EVI5: variants seen among roughly 807,000 people sequenced by gnomAD.
The protein encoded by EVI5 is ecotropic viral integration site 5 protein homolog.
EVI5 carries 73 observed loss-of-function variants against 112.0 expected under a neutral mutation model. That is an observed-to-expected ratio of 0.65 (90% CI 0.54 to 0.79). EVI5 has a LOEUF of 0.79. Ranked by LOEUF, EVI5 falls within the 30% of genes least tolerant of loss-of-function variation. The pLI is 0.00. For synonymous variants in EVI5, 305 were observed against 319.9 expected (o/e 0.95, Z 0.50); for missense variants, 900 against 968.8 (o/e 0.93, Z 0.94).
intron 13 of EVI5, among the ~76,000 whole-genome samples, chr1:92,660,562 C>A (rs1182617251): frequency 2.0e-5 from 3 of 151,882 alleles, no homozygotes; most frequent in African/African-American, 7.3e-5. Flanking sequence ...TTGAAAATAG[C>A]TAGAAGAGGG....
At chr1:92,610,769 T>C (rs1651577942) in intron 16 of EVI5, among the ~76,000 whole-genome samples, 1 of 151,972 alleles carries the variant, frequency 6.6e-6, no homozygotes, top group Admixed American at 6.6e-5. Context: ...ATATACCTAA[T>C]ATGGGTTGCA....
intron 18 of EVI5, among the ~76,000 whole-genome samples, chr1:92,574,091 C>T (rs1049324998): frequency 5.9e-5 from 9 of 151,860 alleles, no homozygotes; most frequent in Non-Finnish European, 1.3e-4. Flanking sequence ...GAATATTGTA[C>T]CAAGAGCAGT....
chr1:92,627,965 T>C (rs1656050795), intron 14 of EVI5, among the ~76,000 whole-genome samples: 1 of 152,036 alleles, frequency 6.6e-6, no homozygotes, highest in Non-Finnish European at 1.5e-5. Context: ...ATTTTTTGTA[T>C]TTTTAGTAGA....
At chr1:92,742,040 A>G (rs149515129) in intron 1 of EVI5, among the ~76,000 whole-genome samples, 4 of 152,274 alleles carry the variant, frequency 2.6e-5, no homozygotes, top group East Asian at 1.9e-4. Flanking sequence ...ATGAAAGCAA[A>G]TATTTGCAAA....
At chr1:92,657,910 TAAAC>T (rs1663292424) in intron 13 of EVI5, among the ~76,000 whole-genome samples, 1 of 152,122 alleles carries the variant, frequency 6.6e-6, no homozygotes, top group South Asian at 2.1e-4. Flanking sequence ...CACACAGTCT[TAAAC>T]AATCTGATTT....
chr1:92,627,742 C>T (rs1571968474), intron 14 of EVI5, among the ~76,000 whole-genome samples: 1 of 151,740 alleles, frequency 6.6e-6, no homozygotes, highest in African/African-American at 2.4e-5. Context: ...GATGGTATTA[C>T]ATTGTGGTTT....
chr1:92,572,794 A>G (rs1387010000), intron 18 of EVI5, among the ~76,000 whole-genome samples: 1 of 152,084 alleles, frequency 6.6e-6, no homozygotes, highest in Non-Finnish European at 1.5e-5. Flanking sequence ...GTAATTATAG[A>G]GTACAGCTTC....
chr1:92,636,403 G>T, intron 13 of EVI5, 67 bp from the exon 14 acceptor site: 1 of 1,338,718 alleles, frequency 7.5e-7, no homozygotes, highest in Non-Finnish European at 1.1e-6. Flanking sequence ...TAAAAACAAT[G>T]CAACCACATA....
At chr1:92,726,094 T>C (rs956948992) in intron 2 of EVI5, among the ~76,000 whole-genome samples, 3 of 152,182 alleles carry the variant, frequency 2.0e-5, no homozygotes, top group Non-Finnish European at 4.4e-5. Flanking sequence ...TGGCCTAATA[T>C]GTGTGTACTT....
chr1:92,569,661 C>A (rs1275228895), intron 18 of EVI5, among the ~76,000 whole-genome samples: 1 of 151,870 alleles, frequency 6.6e-6, no homozygotes, highest in Non-Finnish European at 1.5e-5. Flanking sequence ...CGAGACCATC[C>A]TGGCCAACAT....
chr1:92,616,238 C>A (rs1404640392), intron 16 of EVI5, among the ~76,000 whole-genome samples: 1 of 152,136 alleles, frequency 6.6e-6, no homozygotes, highest in African/African-American at 2.4e-5. Flanking sequence ...TTGACCAATG[C>A]CTTTTGAAAT....
At chr1:92,573,660 A>G (rs973235412) in intron 18 of EVI5, among the ~76,000 whole-genome samples, 2 of 152,130 alleles carry the variant, frequency 1.3e-5, no homozygotes, top group African/African-American at 2.4e-5. Context: ...CAATTCTGCT[A>G]TCAGTTTCAC....
At position 92,551,580 on chromosome 1, in the gene EVI5, ATCAC is replaced by A. The variant is rs1666944915; in HGVS notation, c.2166+12058_2166+12061del. Among the ~76,000 whole-genome samples the A allele has an allele frequency of 2.0e-5, 3 of 152,368 alleles. No homozygotes were observed. The South Asian group carries it at 6.2e-4, about 32-fold the overall frequency. On this transcript the variant is annotated intron_variant, in intron 19 of 19. Coordinates refer to ENST00000684568, the MANE Select transcript of EVI5 (RefSeq NM_001350197.2). ...ACACATTTGAGCACATCCTATTAGT[ATCAC>A]TCAAATGATAAATATGCATAATACT... is the stretch of plus-strand genomic sequence containing the variant.
At chr1:92,523,331 T>G (rs555897030) in intron 19 of EVI5, among the ~76,000 whole-genome samples, 3 of 152,152 alleles carry the variant, frequency 2.0e-5, no homozygotes, top group African/African-American at 4.8e-5. Context: ...ACCCTCACCC[T>G]GGCAACCATG....
chr1:92,772,344 C>T (rs1213228839), intron 1 of EVI5, among the ~76,000 whole-genome samples: 2 of 151,934 alleles, frequency 1.3e-5, no homozygotes, highest in Non-Finnish European at 2.9e-5. Flanking sequence ...CGCCTGTAAT[C>T]CCAGCACTTT....
chr1:92,593,971 A>G lies in EVI5; in HGVS notation c.2070+11336T>C, dbSNP rs141453574. On this transcript the variant is annotated intron_variant, in intron 18 of 19. Coordinates refer to ENST00000684568, the MANE Select transcript of EVI5 (RefSeq NM_001350197.2). ...CCATGCTTATGGGTAGGAAGAATCAATATCGTGAAAATGGTCATACTGTCC... is the reference window on the plus strand; with the variant it reads ...CCATGCTTATGGGTAGGAAGAATCAGTATCGTGAAAATGGTCATACTGTCC... Among the ~76,000 whole-genome samples, 1,030 of 152,366 alleles carry G rather than the reference A, an allele frequency of 6.8e-3. 11 individuals carry two copies. The highest frequency in any genetic ancestry group is 0.023 in the African/African-American group (946 of 41,590).
intron 19 of EVI5, among the ~76,000 whole-genome samples, chr1:92,540,285 A>C (rs1191547248): frequency 6.6e-6 from 1 of 152,164 alleles, no homozygotes; most frequent in African/African-American, 2.4e-5. Flanking sequence ...AAGTGGCTGT[A>C]CCATTTTACC....
chr1:92,533,444 C>T (rs2101876872), intron 19 of EVI5, among the ~76,000 whole-genome samples: 1 of 152,134 alleles, frequency 6.6e-6, no homozygotes, highest in East Asian at 1.9e-4. Flanking sequence ...AGGCCAGCAT[C>T]ATCCTGATAA....
At chr1:92,638,062 G>GT (rs1461894733) in intron 13 of EVI5, among the ~76,000 whole-genome samples, 1 of 152,080 alleles carries the variant, frequency 6.6e-6, no homozygotes, top group Non-Finnish European at 1.5e-5. Flanking sequence ...CAGTTATTTC[G>GT]TGGGTACTGG....
Sources: allele counts gnomAD v4.1 joint callset (sites outside exome capture counted in the v4.1 genomes callset), GRCh38; gene constraint gnomAD v4.1.1; transcripts MANE v1.5; gene names NCBI Gene and HGNC (gene_info 2026-07-23, HGNC 2026-07-21).